ZC3H13: variants seen among roughly 807,000 people sequenced by gnomAD.
ZC3H13 encodes the protein zinc finger CCCH domain-containing protein 13.
Under a neutral mutation model 204.1 loss-of-function variants are expected in ZC3H13, and 64 were observed. That is an observed-to-expected ratio of 0.31 (90% CI 0.26 to 0.39). The LOEUF is 0.39. ZC3H13 is among the 10% of genes least tolerant of loss of function. The probability of loss-of-function intolerance (pLI) is 1.00; values close to 1 mark genes in which losing one functional copy is unlikely to be tolerated. For missense variants in ZC3H13, 1,833 were observed against 2,082.7 expected, an observed-to-expected ratio of 0.88 and a Z score of 2.33; for synonymous variants, 667 against 693.7, an observed-to-expected ratio of 0.96 and a Z score of 0.60.
Position 45,975,835 on chromosome 13 carries a change from T to C in ZC3H13, c.1916A>G (p.Gln639Arg). ...ATGTCGAATTGGTGAGCTTGGTCTT[T>C]GATCTACAATGAAAATCAAGTTTTG... ...RDRRDNRERD[Q>R]RPSSPIRHQG... Residue 639 changes from glutamine (Q) to arginine (R), a missense_variant, in exon 12 of 19, where the codon CAA becomes CGA. By Grantham distance (43) the Gln-to-Arg change is conservative (BLOSUM62 1). This residue lies in a region of ZC3H13 where 1,574 missense variants were observed against 1,757.2 expected (regional missense o/e 0.90). Coordinates refer to ENST00000679008, the MANE Select transcript of ZC3H13 (RefSeq NM_001330564.2). 1.9e-6 allele frequency: 3 copies of C among 1,607,288 alleles called. No homozygotes were observed. Among genetic ancestry groups the C allele is most frequent in the Non-Finnish European group, 2.6e-6 (3 of 1,175,170 alleles).
At chr13:45,961,266 G>A (rs982193007) in intron 17 of ZC3H13, among the ~76,000 whole-genome samples, 1 of 151,830 alleles carries the variant, frequency 6.6e-6, no homozygotes, top group African/African-American at 2.4e-5. Flanking sequence ...GAAATGCATT[G>A]AGCCTACACC....
chr13:45,997,504 C>T (rs1324722469), intron 8 of ZC3H13, among the ~76,000 whole-genome samples: 4 of 152,136 alleles, frequency 2.6e-5, no homozygotes, highest in Non-Finnish European at 4.4e-5. Flanking sequence ...AACTTGTAGA[C>T]CCCTAAAATC....
intron 7 of ZC3H13, among the ~76,000 whole-genome samples, chr13:46,005,505 T>C (rs903396116): frequency 6.6e-6 from 1 of 152,208 alleles, no homozygotes; most frequent in Non-Finnish European, 1.5e-5. Flanking sequence ...CTTCTTTTTT[T>C]TGGAGACAGT....
At chr13:46,044,589 T>C (rs1217751857) in intron 3 of ZC3H13, among the ~76,000 whole-genome samples, 2 of 152,258 alleles carry the variant, frequency 1.3e-5, no homozygotes, top group Middle Eastern at 6.8e-3. Context: ...ATACCCTATT[T>C]GAATTTTACT....
chr13:46,032,283 T>G (rs1050421723), intron 4 of ZC3H13, among the ~76,000 whole-genome samples: 2 of 147,022 alleles, frequency 1.4e-5, no homozygotes, highest in Admixed American at 6.9e-5. Context: ...AAGTGACAAG[T>G]AAAATTATCT....
chr13:45,960,118 AT>A (rs921204108), intron 17 of ZC3H13, among the ~76,000 whole-genome samples: 1 of 150,452 alleles, frequency 6.6e-6, no homozygotes, highest in Non-Finnish European at 1.5e-5. Context: ...CACCTGGCTA[AT>A]TTTTTTTTGG....
At chr13:45,967,313 A>G (rs1026784037) in intron 15 of ZC3H13, among the ~76,000 whole-genome samples, 191 bp downstream of exon 15, 9 of 152,216 alleles carry the variant, frequency 5.9e-5, no homozygotes, top group Admixed American at 1.3e-4. Flanking sequence ...TGCTAAGGGG[A>G]CCACATTAAA....
At chr13:46,000,960 G>C (rs1415225974) in intron 8 of ZC3H13, among the ~76,000 whole-genome samples, 3 of 152,108 alleles carry the variant, frequency 2.0e-5, no homozygotes, top group African/African-American at 7.2e-5. Context: ...GAGAGACAGG[G>C]GACTAGCCAG....
intron 15 of ZC3H13, among the ~76,000 whole-genome samples, chr13:45,966,762 G>A (rs997019117): frequency 1.3e-5 from 2 of 152,106 alleles, no homozygotes; most frequent in African/African-American, 4.8e-5. Flanking sequence ...TAAGTGCCTC[G>A]AGCAGAGAAG....
chr13:46,046,630 C>T (rs764743967), intron 1 of ZC3H13, among the ~76,000 whole-genome samples: 7 of 150,750 alleles, frequency 4.6e-5, no homozygotes, highest in African/African-American at 1.2e-4. Flanking sequence ...ATCACACCAC[C>T]GCACTCCAGC....
chr13:46,038,818 C>G (rs2043374735), intron 4 of ZC3H13, among the ~76,000 whole-genome samples: 1 of 152,084 alleles, frequency 6.6e-6, no homozygotes, highest in South Asian at 2.1e-4. Flanking sequence ...GTCAGGAGTT[C>G]AAGACCAGCC....
chr13:46,042,301 AC>A, intron 3 of ZC3H13, 26 bp from the exon 4 acceptor site: 1 of 1,548,742 alleles, frequency 6.5e-7, no homozygotes, highest in East Asian at 2.3e-5. Flanking sequence ...CAGAAACAAA[AC>A]AAAAAACGAA....
chr13:46,040,536 T>C (rs186574627), intron 4 of ZC3H13, among the ~76,000 whole-genome samples: 10 of 152,152 alleles, frequency 6.6e-5, no homozygotes, highest in African/African-American at 1.9e-4. Context: ...GACTAAACAA[T>C]AGTTTCTTAG....
Position 45,969,687 on chromosome 13 carries a change from G to T in ZC3H13, c.2857C>A (p.His953Asn). ...SEDRETSDRA[H>N]DENKKKAKIQ... ...TTTGCTTTCTTCTTGTTTTCATCAT[G>T]AGCTCGATCAGATGTCTCTCGATCT... Residue 953 changes from histidine to asparagine, a missense_variant, in exon 14 of 19, where the codon CAT becomes AAT. Coordinates refer to ENST00000679008, the MANE Select transcript of ZC3H13 (RefSeq NM_001330564.2). 6.2e-7 allele frequency: 1 copy of T among 1,612,012 alleles called. No homozygotes were observed. Among genetic ancestry groups the T allele is most frequent in the Non-Finnish European group, 8.5e-7 (1 of 1,179,688 alleles).
chr13:45,965,296 A>C lies in ZC3H13; in HGVS notation c.4458T>G (p.Asp1486Glu). The stretch of plus-strand genomic sequence containing the variant: ...AATAGTTACCTGGCATCTTCTCCTC[A>C]TCCTGTTGGTCCTCCCTCTTTTCTG... ...GDAEKREDQQ[D>E]EEKMPDPLDV... Residue 1486 changes from aspartate (D) to glutamate (E), a missense_variant, in exon 16 of 19, where the codon GAT (aspartate) becomes GAG (glutamate). By Grantham distance (45) the Asp-to-Glu change is conservative. Around this residue, in one of 5 missense-constraint regions of ZC3H13, gnomAD observed 211 missense variants for 228.4 expected, o/e 0.92. Transcript: ENST00000679008. 1 of 1,613,376 alleles carries C rather than the reference A, an allele frequency of 6.2e-7. No homozygotes were observed. Among genetic ancestry groups the C allele is most frequent in the South Asian group, 1.1e-5 (1 of 90,990 alleles).
intron 4 of ZC3H13, among the ~76,000 whole-genome samples, chr13:46,022,686 C>A (rs929640178): frequency 6.6e-6 from 1 of 151,762 alleles, no homozygotes; most frequent in Non-Finnish European, 1.5e-5. Context: ...TTAGCCAAAA[C>A]CCTTGGGATC....
chr13:46,050,114 A>C (rs777014888), intron 1 of ZC3H13, among the ~76,000 whole-genome samples: 4 of 152,124 alleles, frequency 2.6e-5, no homozygotes, highest in Non-Finnish European at 5.9e-5. Context: ...ATCTCTTTTC[A>C]ATTAAAAAAG....
chr13:46,010,770 T>C (rs974011802), intron 6 of ZC3H13, among the ~76,000 whole-genome samples: 2 of 149,850 alleles, frequency 1.3e-5, no homozygotes, highest in Admixed American at 6.6e-5. Context: ...AAGGTGCCTA[T>C]GGTCTCAGCT....
intron 8 of ZC3H13, among the ~76,000 whole-genome samples, chr13:46,002,253 AAAAC>A (rs766494516): frequency 1.3e-5 from 2 of 152,334 alleles, no homozygotes; most frequent in East Asian, 1.9e-4. Context: ...TGGCGACTAT[AAAAC>A]AAACAAACTA....
Sources: allele counts gnomAD v4.1 joint callset (sites outside exome capture counted in the v4.1 genomes callset), GRCh38; gene constraint gnomAD v4.1.1; regional missense constraint gnomAD v4.1.1; transcripts MANE v1.5; gene names NCBI Gene and HGNC (gene_info 2026-07-23, HGNC 2026-07-21).